MAGI1: variants seen among roughly 807,000 people sequenced by gnomAD.
MAGI1 encodes the protein membrane associated guanylate kinase, WW and PDZ domain containing 1.
A neutral mutation model predicts 139.9 loss-of-function variants in MAGI1; 58 were observed. The ratio of observed to expected loss-of-function variants is 0.41; its 90% CI spans 0.34 to 0.52. MAGI1 has a LOEUF of 0.52. Among genes scored for constraint, MAGI1 ranks in the 20% least tolerant of loss-of-function variants. MAGI1 has a pLI of 0.12. For missense variants in MAGI1, 1,874 were observed against 1,901.6 expected (o/e 0.99, Z 0.27); for synonymous variants, 812 against 737.9 (o/e 1.10, Z -1.63).
At chr3:65,720,452 T>TCCTAATTTAAC (rs2032871822) in intron 1 of MAGI1, among the ~76,000 whole-genome samples, 1 of 152,120 alleles carries the variant, frequency 6.6e-6, no homozygotes, top group African/African-American at 2.4e-5. Flanking sequence ...ACCAATTCCA[T>TCCTAATTTAAC]CCTAATTTAA....
At chr3:65,364,793 T>G (rs1353878030) in intron 19 of MAGI1, 60 bp downstream of exon 19, 1 of 1,606,498 alleles carries the variant, frequency 6.2e-7, no homozygotes, top group Non-Finnish European at 8.5e-7. Context: ...CAAGGACATA[T>G]ATTGTCATGC....
chr3:65,819,617 A>G (rs932797595), intron 1 of MAGI1, among the ~76,000 whole-genome samples: 62 of 151,992 alleles, frequency 4.1e-4, no homozygotes, highest in African/African-American at 1.4e-3. Context: ...AGTTGCTCAC[A>G]CCTGTACTCC....
At position 65,364,698 on chromosome 3, in the gene MAGI1, A is replaced by G. The variant is rs920777767; in HGVS notation, c.3318T>C (p.Ser1106=). 12 of 1,614,128 alleles carry G rather than the reference A, an allele frequency of 7.4e-6. No individual in the cohort carries two copies. The highest frequency in any genetic ancestry group is 6.8e-6 in the Non-Finnish European group (8 of 1,179,980). The change falls in exon 20 of 23, where the codon TCT becomes TCC. Residue 1106 remains serine (S), a synonymous_variant. Coordinates refer to ENST00000402939, the MANE Select transcript of MAGI1 (RefSeq NM_001033057.2). ...TRNTTKPKQE[S]QFEFKAPQAT... Reference sequence around the variant, plus strand: ...CTTGGGGTGCTTTGAACTCAAATTGAGATTCCTGCTTTGGTTTGGTGGTAT... The same window carrying G: ...CTTGGGGTGCTTTGAACTCAAATTGGGATTCCTGCTTTGGTTTGGTGGTAT...
intron 2 of MAGI1, among the ~76,000 whole-genome samples, chr3:65,592,451 T>C (rs1184303020): frequency 6.6e-6 from 1 of 152,100 alleles, no homozygotes; most frequent in Non-Finnish European, 1.5e-5. Context: ...TTAAACATAT[T>C]ATACCATCTT....
At chr3:65,669,329 T>C (rs1288389280) in intron 1 of MAGI1, among the ~76,000 whole-genome samples, 1 of 152,158 alleles carries the variant, frequency 6.6e-6, no homozygotes, top group Non-Finnish European at 1.5e-5. Context: ...TCTTGCAAAA[T>C]TGCTCTTGTT....
chr3:65,500,508 T>C (rs1040113597), intron 2 of MAGI1, among the ~76,000 whole-genome samples: 8 of 152,214 alleles, frequency 5.3e-5, no homozygotes, highest in African/African-American at 1.9e-4. Flanking sequence ...TGACCTTCCT[T>C]ATCACTGAAA....
chr3:65,503,777 C>A (rs2107711568), intron 2 of MAGI1, among the ~76,000 whole-genome samples: 1 of 152,290 alleles, frequency 6.6e-6, no homozygotes, highest in Non-Finnish European at 1.5e-5. Context: ...AGATGGGAAG[C>A]ATCTGATCTG....
intron 2 of MAGI1, among the ~76,000 whole-genome samples, chr3:65,526,989 C>G (rs2078414630): frequency 6.6e-6 from 1 of 152,088 alleles, no homozygotes; most frequent in African/African-American, 2.4e-5. Flanking sequence ...ACATATAAAG[C>G]AAAGAAAGCA....
At chr3:65,464,880 T>C (rs186404747) in intron 5 of MAGI1, among the ~76,000 whole-genome samples, 12 of 151,732 alleles carry the variant, frequency 7.9e-5, no homozygotes, top group Admixed American at 7.9e-4. Flanking sequence ...CATGAATATT[T>C]TAGAATTCTG....
intron 1 of MAGI1, among the ~76,000 whole-genome samples, chr3:65,826,524 A>T (rs962193846): frequency 5.3e-5 from 8 of 152,244 alleles, no homozygotes; most frequent in African/African-American, 9.6e-5. Flanking sequence ...AACTTTGAAA[A>T]CAAAACATAT....
At chr3:65,446,722 G>C (rs1948702760) in intron 7 of MAGI1, among the ~76,000 whole-genome samples, 1 of 152,096 alleles carries the variant, frequency 6.6e-6, no homozygotes, top group Non-Finnish European at 1.5e-5. Flanking sequence ...TAATATCATT[G>C]GATTGACAAA....
At chr3:65,491,490 C>T (rs992883493) in intron 3 of MAGI1, among the ~76,000 whole-genome samples, 1 of 152,142 alleles carries the variant, frequency 6.6e-6, no homozygotes, top group Non-Finnish European at 1.5e-5. Context: ...ACTCCCACCC[C>T]AGCCTCTCCA....
chr3:65,916,273 T>G (rs962393843), intron 1 of MAGI1, among the ~76,000 whole-genome samples: 2 of 152,098 alleles, frequency 1.3e-5, no homozygotes, highest in African/African-American at 4.8e-5. Context: ...TTCGCCATGA[T>G]AGCTAGGCTG....
At chr3:65,903,826 G>T (rs528609129) in intron 1 of MAGI1, among the ~76,000 whole-genome samples, 1 of 152,108 alleles carries the variant, frequency 6.6e-6, no homozygotes, top group Non-Finnish European at 1.5e-5. Flanking sequence ...TGGCCAATGT[G>T]GTGAAACCCT....
At chr3:65,583,159 T>C (rs2081516159) in intron 2 of MAGI1, among the ~76,000 whole-genome samples, 1 of 152,180 alleles carries the variant, frequency 6.6e-6, no homozygotes, top group Admixed American at 6.5e-5. Flanking sequence ...CGTATCTCAA[T>C]GGCCCCAACA....
At position 65,383,547 on chromosome 3, in the gene MAGI1, A is replaced by G. The variant is rs1559512037; in HGVS notation, c.2493T>C (p.Asn831=). Residue 831 remains asparagine, a synonymous_variant, in exon 15 of 23, where the codon AAT becomes AAC. Coordinates refer to ENST00000402939, the MANE Select transcript of MAGI1 (RefSeq NM_001033057.2). ...AAAGACTCACAGGTTCCCCTGGTTC[A>G]TTTCCACCCAGAATCCTAAATCCAA... The part of the protein sequence containing the change: ...TGFGFRILGG[N]EPGEPIYIGH... 2 of 1,613,236 alleles carry G rather than the reference A, an allele frequency of 1.2e-6. No homozygotes were observed. Among genetic ancestry groups the G allele is most frequent in the Non-Finnish European group, 1.7e-6 (2 of 1,179,174 alleles).
intron 1 of MAGI1, chr3:65,687,566 T>C (rs1238910885): frequency 8.0e-6 from 3 of 376,948 alleles, no homozygotes; most frequent in Non-Finnish European, 1.6e-5. Flanking sequence ...TGACAATCTG[T>C]GGCTCCAGGG....
chr3:65,451,840 G>C lies in MAGI1; in HGVS notation c.1042+1418C>G, dbSNP rs372017905. ...TTGTTTTATTATTTGTAGAGTCAAG[G>C]TCTCACTACATTGCCCAGGCTGGTC... On this transcript the variant is annotated intron_variant, in intron 6 of 22. Coordinates refer to ENST00000402939, the MANE Select transcript of MAGI1 (RefSeq NM_001033057.2). Among the ~76,000 whole-genome samples, 122 of 151,934 alleles carry C rather than the reference G, an allele frequency of 8.0e-4. No individual in the cohort carries two copies. The Middle Eastern group carries it at 0.014, about 17-fold the overall frequency.
intron 1 of MAGI1, among the ~76,000 whole-genome samples, chr3:65,937,578 G>A (rs1015881445): frequency 6.6e-6 from 1 of 152,104 alleles, no homozygotes; most frequent in African/African-American, 2.4e-5. Flanking sequence ...AGCCATCAGG[G>A]TGCATGTGTG....
Sources: gnomAD v4.1 joint callset for allele counts (sites outside exome capture counted in the v4.1 genomes callset) on GRCh38, gnomAD v4.1.1 for gene constraint, MANE v1.5 for transcripts, NCBI Gene and HGNC (gene_info 2026-07-23, HGNC 2026-07-21) for gene names.